Variants in AGBL4 observed in about 807,000 individuals in gnomAD.
AGBL4 encodes the protein AGBL carboxypeptidase 4.
AGBL4 carries 58 observed loss-of-function variants against 66.4 expected under a neutral mutation model. That is an observed-to-expected ratio of 0.87 (90% CI 0.71 to 1.09). The LOEUF is 1.09. Among genes scored for constraint, AGBL4 ranks in the 50% least tolerant of loss-of-function variants. The pLI, the probability that AGBL4 is intolerant of heterozygous loss-of-function variation, is 0.00. For missense variants in AGBL4, 579 were observed against 631.0 expected (o/e 0.92, Z 0.88); for synonymous variants, 234 against 222.9 (o/e 1.05, Z -0.44).
intron 2 of AGBL4, among the ~76,000 whole-genome samples, chr1:49,809,886 T>C (rs947431878): frequency 1.3e-5 from 2 of 152,184 alleles, no homozygotes; most frequent in Non-Finnish European, 2.9e-5. Context: ...GAAAACTTGC[T>C]ATATAAATCC....
In AGBL4 at chr1:49,240,161, C is replaced by T. The variant is rs868715942; in HGVS notation, c.377+5609G>A. Among the ~76,000 whole-genome samples, 11 of 152,232 alleles carry T rather than the reference C, an allele frequency of 7.2e-5. No individual in the cohort carries two copies. In the East Asian group the frequency reaches 7.7e-4, roughly 11 times the overall value. ...CTAAACATTACTACATTAAGACTTA[C>T]AGAAAGTATGAATCTATTGCTAGGT... On this transcript the variant is annotated intron_variant, in intron 4 of 13. Coordinates refer to ENST00000371839, the MANE Select transcript of AGBL4 (RefSeq NM_032785.4).
At chr1:48,789,223 C>A (rs914005564) in intron 6 of AGBL4, among the ~76,000 whole-genome samples, 33 of 151,968 alleles carry the variant, frequency 2.2e-4, no homozygotes, top group African/African-American at 7.5e-4. Flanking sequence ...TGTGTTAATT[C>A]CCCATCACCA....
chr1:49,398,284 A>T (rs139980239), intron 3 of AGBL4, among the ~76,000 whole-genome samples: 4 of 152,104 alleles, frequency 2.6e-5, no homozygotes, highest in African/African-American at 9.6e-5. Context: ...CCCAAACAGA[A>T]CAAAAAGGCA....
chr1:49,420,760 T>C (rs1167731065), intron 3 of AGBL4, among the ~76,000 whole-genome samples: 1 of 152,206 alleles, frequency 6.6e-6, no homozygotes, highest in Non-Finnish European at 1.5e-5. Flanking sequence ...TTATTGCTAT[T>C]GTTACTATCA....
At chr1:49,351,287 C>T (rs545654690) in intron 3 of AGBL4, among the ~76,000 whole-genome samples, 11 of 152,260 alleles carry the variant, frequency 7.2e-5, no homozygotes, top group African/African-American at 2.6e-4. Flanking sequence ...GCAAGTTCTG[C>T]TTCTACCAGT....
intron 1 of AGBL4, among the ~76,000 whole-genome samples, chr1:49,981,000 G>C (rs931399331): frequency 1.3e-4 from 20 of 151,986 alleles, no homozygotes; most frequent in African/African-American, 4.4e-4. Context: ...ATTTGCACTT[G>C]GTATTGTAAT....
intron 2 of AGBL4, among the ~76,000 whole-genome samples, chr1:49,701,905 TATATC>T (rs1342090443): frequency 6.6e-6 from 1 of 152,110 alleles, no homozygotes; most frequent in Non-Finnish European, 1.5e-5. Context: ...TAACTATACT[TATATC>T]AGACAACATA....
chr1:50,023,755 C>T lies in AGBL4; in HGVS notation c.34+8G>A. 1.3e-6 allele frequency: 2 copies of T among 1,549,088 alleles called. No individual in the cohort carries two copies. Among genetic ancestry groups the T allele is most frequent in the South Asian group, 2.4e-5 (2 of 83,774 alleles). Reference sequence around the variant, plus strand: ...TCAGCCTTCCCCAGATCGGCCGCCCCCACAGACCTGCCTCAGGCGCCGACT... The same window carrying T: ...TCAGCCTTCCCCAGATCGGCCGCCCTCACAGACCTGCCTCAGGCGCCGACT... On this transcript the variant is annotated splice_region_variant and intron_variant, in intron 1 of 13. Coordinates refer to ENST00000371839, the MANE Select transcript of AGBL4 (RefSeq NM_032785.4).
At chr1:48,713,413 C>T (rs1646998055) in intron 6 of AGBL4, among the ~76,000 whole-genome samples, 1 of 152,040 alleles carries the variant, frequency 6.6e-6, no homozygotes, top group African/African-American at 2.4e-5. Context: ...GCTGAGGTTG[C>T]GGAGTTCATT....
rs182439881 is a variant in AGBL4, at chr1:49,350,220, T to C, written c.283-104356A>G. Among the ~76,000 whole-genome samples, 48 of 151,458 alleles carry C rather than the reference T, an allele frequency of 3.2e-4. No individual in the cohort carries two copies. In the East Asian group the frequency reaches 9.3e-3, roughly 29 times the overall value. On this transcript the variant is annotated intron_variant, in intron 3 of 13. Coordinates refer to ENST00000371839, the MANE Select transcript of AGBL4 (RefSeq NM_032785.4). ...TTTTGTTTTGTTTTGTTTTTTTTTT[T>C]TGAGACGGAGTCTCGCTCTGTCGCC... is the stretch of plus-strand genomic sequence containing the variant.
At chr1:49,965,838 T>G (rs1321469883) in intron 1 of AGBL4, among the ~76,000 whole-genome samples, 1 of 152,164 alleles carries the variant, frequency 6.6e-6, no homozygotes, top group East Asian at 1.9e-4. Context: ...TTATTAAATT[T>G]TTTTACATTA....
chr1:49,839,080 A>G (rs555870147), intron 2 of AGBL4, among the ~76,000 whole-genome samples: 9 of 152,338 alleles, frequency 5.9e-5, no homozygotes, highest in Admixed American at 2.6e-4. Context: ...TATAGAAAAT[A>G]CCATCATTCT....
chr1:49,018,543 G>A (rs943174124), intron 5 of AGBL4, among the ~76,000 whole-genome samples: 6 of 152,158 alleles, frequency 3.9e-5, no homozygotes, highest in Non-Finnish European at 5.9e-5. Flanking sequence ...TTGTTTGGAA[G>A]TTCTTCCTGA....
intron 3 of AGBL4, among the ~76,000 whole-genome samples, chr1:49,285,283 C>A (rs1418000383): frequency 1.3e-5 from 2 of 152,008 alleles, no homozygotes; most frequent in Non-Finnish European, 2.9e-5. Context: ...GGATACATAA[C>A]GAAATGAAGG....
At chr1:49,004,219 C>T (rs1001337040) in intron 5 of AGBL4, among the ~76,000 whole-genome samples, 1 of 152,184 alleles carries the variant, frequency 6.6e-6, no homozygotes, top group Non-Finnish European at 1.5e-5. Flanking sequence ...GGGATTTTTT[C>T]ACTCTCAATA....
intron 2 of AGBL4, among the ~76,000 whole-genome samples, chr1:49,834,184 T>A (rs1296952792): frequency 6.6e-6 from 1 of 152,184 alleles, no homozygotes; most frequent in Non-Finnish European, 1.5e-5. Context: ...GTACCTCTGG[T>A]AGAATTCAGC....
At chr1:49,433,769 A>C (rs1472363553) in intron 3 of AGBL4, among the ~76,000 whole-genome samples, 1 of 152,178 alleles carries the variant, frequency 6.6e-6, no homozygotes, top group African/African-American at 2.4e-5. Flanking sequence ...TACTTGTCAA[A>C]AAGTGATAAA....
intron 3 of AGBL4, among the ~76,000 whole-genome samples, chr1:49,664,975 A>C (rs1038158052): frequency 1.3e-5 from 2 of 152,114 alleles, no homozygotes; most frequent in African/African-American, 4.8e-5. Flanking sequence ...ATAATACAAA[A>C]CTTGTGTAAT....
chr1:48,677,377 T>C (rs1318074350), intron 6 of AGBL4, among the ~76,000 whole-genome samples: 2 of 151,876 alleles, frequency 1.3e-5, no homozygotes, highest in East Asian at 1.9e-4. Flanking sequence ...AGGATTAACA[T>C]ATTCGCCACC....
Sources: gnomAD v4.1 joint callset for allele counts (sites outside exome capture counted in the v4.1 genomes callset) on GRCh38, gnomAD v4.1.1 for gene constraint, MANE v1.5 for transcripts, NCBI Gene and HGNC (gene_info 2026-07-23, HGNC 2026-07-21) for gene names.